Variants in ZSCAN2 observed in about 807,000 individuals in gnomAD.
The protein encoded by ZSCAN2 is zinc finger and SCAN domain containing 2.
ZSCAN2 carries 26 observed loss-of-function variants against 47.8 expected under a neutral mutation model. The observed-to-expected ratio is 0.54, with a 90% CI of 0.40 to 0.75. The LOEUF is 0.75. Ranked by LOEUF, ZSCAN2 falls within the 30% of genes least tolerant of loss-of-function variation. The pLI is 0.00. For missense variants in ZSCAN2, 732 were observed against 785.4 expected (o/e 0.93, Z 0.81); for synonymous variants, 305 against 288.7 (o/e 1.06, Z -0.57).
chr15:84,620,931 G>A lies in ZSCAN2; in HGVS notation c.736G>A (p.Gly246Arg), dbSNP rs762503216. Residue 246 changes from glycine to arginine, a missense_variant, in exon 3 of 3, where the codon GGA (glycine) becomes AGA (arginine). By Grantham distance (125) the Gly-to-Arg change is moderately radical. Around this residue, in one of 2 missense-constraint regions of ZSCAN2, gnomAD observed 412 missense variants for 498.0 expected, o/e 0.83. Transcript: ENST00000546148. Reference sequence around the variant, plus strand: ...CATCACACACGAGAGGACCCACACAGGAGAGAAATACTACAAATGTGATGA... The same window carrying A: ...CATCACACACGAGAGGACCCACACAAGAGAGAAATACTACAAATGTGATGA... ...HLITHERTHT[G>R]EKYYKCDECG... is the part of the protein sequence containing the mutation. 1.2e-6 allele frequency: 2 copies of A among 1,614,192 alleles called. No individual in the cohort carries two copies. The highest frequency in any genetic ancestry group is 1.7e-6 in the Non-Finnish European group (2 of 1,180,042).
At chr15:84,616,905 C>T (rs1451300152) in intron 2 of ZSCAN2, among the ~76,000 whole-genome samples, 1 of 151,806 alleles carries the variant, frequency 6.6e-6, no homozygotes, top group South Asian at 2.1e-4. Context: ...GGCAAATCAC[C>T]TGAGGTTGGA....
In ZSCAN2 at chr15:84,622,140, T is replaced by TG; in HGVS notation, c.*106dup. The TG allele has an allele frequency of 1.8e-6, 2 of 1,131,792 alleles. No individual in the cohort carries two copies. Among genetic ancestry groups the TG allele is most frequent in the Non-Finnish European group, 2.5e-6 (2 of 786,234 alleles). The allele number at this position is 1,131,792 out of a possible 1,614,324, so 70.1% of individuals were successfully genotyped here. On this transcript the variant is annotated 3_prime_UTR_variant, in exon 3 of 3. Transcript: ENST00000546148. ...AAAGAGCTGTGCTTCCTAAACATTC[T>TG]GGGGGGTTTTGCCAGAGTCTTCCCC... is the stretch of plus-strand genomic sequence containing the variant.
At chr15:84,608,197 A>G (rs1225762888) in intron 2 of ZSCAN2, among the ~76,000 whole-genome samples, 2 of 151,286 alleles carry the variant, frequency 1.3e-5, no homozygotes, top group African/African-American at 4.9e-5. Flanking sequence ...CTTCAGTATC[A>G]TGAACCTCGG....
In ZSCAN2 at chr15:84,620,856, C is replaced by G; in HGVS notation, c.661C>G (p.Pro221Ala). The G allele has an allele frequency of 6.2e-7, 1 of 1,614,190 alleles. No homozygotes were observed. The highest frequency in any genetic ancestry group is 8.5e-7 in the Non-Finnish European group (1 of 1,180,048). The change falls in exon 3 of 3, where the codon CCC becomes GCC. Residue 221 changes from proline (P) to alanine (A), a missense_variant. Around this residue, in one of 2 missense-constraint regions of ZSCAN2, gnomAD observed 320 missense variants for 287.4 expected, o/e 1.11. Transcript: ENST00000546148. ...GCAGGGCACCTACCTAGGGGAGAAGCCCTACGAATGTCCCCAGTGTGGGAA... is the reference window on the plus strand; with the variant it reads ...GCAGGGCACCTACCTAGGGGAGAAGGCCTACGAATGTCCCCAGTGTGGGAA... ...GLQGTYLGEK[P>A]YECPQCGKTF...
At chr15:84,618,561 AT>A (rs768935304) in intron 2 of ZSCAN2, among the ~76,000 whole-genome samples, 2,313 of 139,512 alleles carry the variant, frequency 0.017, 46 homozygotes, top group African/African-American at 0.051. Flanking sequence ...ACAGCCATTA[AT>A]TTTTTTTTTT....
chr15:84,608,774 T>C (rs1050515872), intron 2 of ZSCAN2, among the ~76,000 whole-genome samples: 2 of 152,174 alleles, frequency 1.3e-5, no homozygotes, highest in African/African-American at 2.4e-5. Context: ...AGTTCTATTA[T>C]GCTGCAAAGT....
At chr15:84,606,951 G>A (rs914086128) in intron 2 of ZSCAN2, 11 of 825,570 alleles carry the variant, frequency 1.3e-5, no homozygotes, top group Middle Eastern at 5.6e-4. Flanking sequence ...ATAAGGCCGC[G>A]TGACCTCTAT....
chr15:84,604,321 C>T lies in ZSCAN2; in HGVS notation c.394C>T (p.Leu132Phe), dbSNP rs765877833. 1.2e-6 allele frequency: 2 copies of T among 1,609,994 alleles called. No individual in the cohort carries two copies. Among genetic ancestry groups the T allele is most frequent in the South Asian group, 1.1e-5 (1 of 90,518 alleles). ...CCTGGTGGAAGACTTGACCCAGACC[C>T]TTCAGGACAGTGGTGAGACGCAGAA... ...AALVEDLTQT[L>F]QDSDFEIQSE... The change falls in exon 2 of 3, where the codon CTT (leucine) becomes TTT (phenylalanine). Residue 132 changes from leucine (L) to phenylalanine (F), a missense_variant. By Grantham distance (22) the Leu-to-Phe change is conservative. Around this residue, in one of 2 missense-constraint regions of ZSCAN2, gnomAD observed 320 missense variants for 287.4 expected, o/e 1.11. Coordinates refer to ENST00000546148, the MANE Select transcript of ZSCAN2 (RefSeq NM_181877.4).
chr15:84,618,927 A>T (rs1895754559), intron 2 of ZSCAN2, among the ~76,000 whole-genome samples: 1 of 152,054 alleles, frequency 6.6e-6, no homozygotes, highest in Non-Finnish European at 1.5e-5. Context: ...CCAACACACT[A>T]TTCAGTAAAC....
Position 84,622,606 on chromosome 15 carries a change from G to A in ZSCAN2, c.*566G>A. 1 of 717,438 alleles carries A rather than the reference G, an allele frequency of 1.4e-6. No homozygotes were observed. Among genetic ancestry groups the A allele is most frequent in the Non-Finnish European group, 2.6e-6 (1 of 385,066 alleles). 44.4% of individuals were successfully genotyped at this position (717,438 alleles called of 1,614,324 possible). A position where few individuals can be genotyped will look rare whatever the true frequency, so the allele number is the denominator to read the frequency against. ...AAGATGGAGGGGCTTCTCCAGTTCT[G>A]AGTCACCCACGTGAAGGTAAAGACC... On this transcript the variant is annotated 3_prime_UTR_variant, in exon 3 of 3. Transcript: ENST00000546148.
chr15:84,619,927 G>GTTT (rs1179673185), intron 2 of ZSCAN2, among the ~76,000 whole-genome samples: 3 of 72,876 alleles, frequency 4.1e-5, no homozygotes, highest in African/African-American at 6.6e-5. Context: ...GCCTGGGTTG[G>GTTT]TTTTTTTTTT....
At chr15:84,609,326 A>G (rs928506398) in intron 2 of ZSCAN2, among the ~76,000 whole-genome samples, 11 of 151,468 alleles carry the variant, frequency 7.3e-5, no homozygotes, top group African/African-American at 2.7e-4. Flanking sequence ...CTCATATGAT[A>G]TATATATGAG....
In ZSCAN2 at chr15:84,622,069, G is replaced by T; in HGVS notation, c.*29G>T. On this transcript the variant is annotated 3_prime_UTR_variant, in exon 3 of 3. Coordinates refer to ENST00000546148, the MANE Select transcript of ZSCAN2 (RefSeq NM_181877.4). ...GGCAAAGAGTGAAAGTGAGGGACTGGCCTGGAGTGGGAGTTGCCACACTGC... is the reference window on the plus strand; with the variant it reads ...GGCAAAGAGTGAAAGTGAGGGACTGTCCTGGAGTGGGAGTTGCCACACTGC... The T allele has an allele frequency of 6.5e-7, 1 of 1,549,416 alleles. No individual in the cohort carries two copies. Among genetic ancestry groups the T allele is most frequent in the Middle Eastern group, 1.9e-4 (1 of 5,240 alleles).
intron 2 of ZSCAN2, among the ~76,000 whole-genome samples, chr15:84,615,232 G>A (rs1183434883): frequency 1.3e-5 from 2 of 152,140 alleles, no homozygotes; most frequent in East Asian, 3.8e-4. Context: ...GGGATTACAG[G>A]CGTGAGCCAC....
At position 84,605,267 on chromosome 15, in the gene ZSCAN2, T is replaced by G. The variant is rs148930367; in HGVS notation, c.406+934T>G. On this transcript the variant is annotated intron_variant, in intron 2 of 2. Coordinates refer to ENST00000546148, the MANE Select transcript of ZSCAN2 (RefSeq NM_181877.4). ...TTTTCCATTGTAAAGTAGACTCACT[T>G]GATGACCAAATGTTTACTTCAGATG... 4.0e-3 allele frequency among the ~76,000 whole-genome samples: 610 copies of G among 152,322 alleles called. 1 individual carries two copies. Among genetic ancestry groups the G allele is most frequent in the Non-Finnish European group, 6.3e-3 (426 of 68,026 alleles).
Position 84,603,845 on chromosome 15 carries a change from A to G in ZSCAN2, c.-83A>G, listed in dbSNP as rs1486619613. On this transcript the variant is annotated 5_prime_UTR_variant, in exon 2 of 3. Coordinates refer to ENST00000546148, the MANE Select transcript of ZSCAN2 (RefSeq NM_181877.4). The stretch of plus-strand genomic sequence containing the variant: ...CGGGACTACTTGTTGATATTTGAGG[A>G]GGGAAGTGTCTTACCTGAGAGCCTG... 37 of 1,461,318 alleles carry G rather than the reference A, an allele frequency of 2.5e-5. No individual in the cohort carries two copies. The highest frequency in any genetic ancestry group is 3.2e-5 in the Non-Finnish European group (34 of 1,079,108). 90.5% of individuals were successfully genotyped at this position (1,461,318 alleles called of 1,614,324 possible). A position where few individuals can be genotyped will look rare whatever the true frequency, so the allele number is the denominator to read the frequency against.
At chr15:84,619,801 AT>A (rs1347692869) in intron 2 of ZSCAN2, among the ~76,000 whole-genome samples, 1 of 151,996 alleles carries the variant, frequency 6.6e-6, no homozygotes, top group African/African-American at 2.4e-5. Context: ...ACCTGACCTC[AT>A]TTTCAGATGA....
At position 84,616,653 on chromosome 15, in the gene ZSCAN2, T is replaced by G. The variant is rs570727294; in HGVS notation, c.407-3949T>G. ...AGCTCATTGGAGAGCTAACCAGTTC[T>G]GATTTTAAAACAGCAAAAACAGCCT... On this transcript the variant is annotated intron_variant, in intron 2 of 2. Transcript: ENST00000546148. 19 of 1,138,306 alleles carry G rather than the reference T, an allele frequency of 1.7e-5. No homozygotes were observed. In the Admixed American group the frequency reaches 8.2e-4, roughly 49 times the overall value. 70.5% of individuals were successfully genotyped at this position (1,138,306 alleles called of 1,614,324 possible). A position where few individuals can be genotyped will look rare whatever the true frequency, so the allele number is the denominator to read the frequency against.
rs776017513 is a variant in ZSCAN2 at position 84,621,314 on chromosome 15, C to T, written c.1119C>T (p.Tyr373=). Residue 373 remains tyrosine (Y), a synonymous_variant, in exon 3 of 3, where the codon TAC becomes TAT. Transcript: ENST00000546148. The surrounding 1 kb of genome is among the most constrained non-coding windows in gnomAD (Gnocchi z 5.7). ...AAGAATGCGGCGAAAGCTTTAGTTACAACTCCAATCTAATCAGACACCAGA... is the reference window on the plus strand; with the variant it reads ...AAGAATGCGGCGAAAGCTTTAGTTATAACTCCAATCTAATCAGACACCAGA... ...ECKECGESFS[Y]NSNLIRHQRI... is the part of the protein sequence containing the mutation. 1.9e-5 allele frequency: 31 copies of T among 1,613,780 alleles called. No individual in the cohort carries two copies. Among genetic ancestry groups the T allele is most frequent in the Non-Finnish European group, 2.5e-5 (29 of 1,179,998 alleles).
Sources: gnomAD v4.1 joint callset for allele counts (sites outside exome capture counted in the v4.1 genomes callset) on GRCh38, gnomAD v4.1.1 for gene constraint, gnomAD v4.1.1 regional missense constraint, Gnocchi (gnomAD v3.1) non-coding constraint, MANE v1.5 for transcripts, NCBI Gene and HGNC (gene_info 2026-07-23, HGNC 2026-07-21) for gene names.